The following MRPL1 variants were observed in gnomAD, a reference collection of about 807,000 sequenced individuals.
The protein encoded by MRPL1 is mitochondrial ribosomal protein L1.
A neutral mutation model predicts 38.0 loss-of-function variants in MRPL1; 28 were observed. The ratio of observed to expected loss-of-function variants is 0.74; its 90% CI spans 0.55 to 1.01. The LOEUF (loss-of-function observed/expected upper bound fraction) is 1.01, where lower values mean the gene tolerates loss of function less well. Ranked by LOEUF, MRPL1 falls within the 50% of genes least tolerant of loss-of-function variation. The pLI is 0.00. For missense variants in MRPL1, 358 were observed against 389.8 expected (o/e 0.92, Z 0.69); for synonymous variants, 123 against 126.7 (o/e 0.97, Z 0.20).
At chr4:77,903,054 A>G (rs1009521296) in intron 6 of MRPL1, among the ~76,000 whole-genome samples, 1 of 152,216 alleles carries the variant, frequency 6.6e-6, no homozygotes, top group Non-Finnish European at 1.5e-5. Context: ...ATTACGAGAA[A>G]ACTACAGGAT....
At chr4:77,884,822 G>T (rs116169316) in intron 3 of MRPL1, among the ~76,000 whole-genome samples, 122 of 152,278 alleles carry the variant, frequency 8.0e-4, no homozygotes, top group African/African-American at 2.8e-3. Flanking sequence ...GATTACATGG[G>T]TTTAAAACAA....
chr4:77,948,944 T>C (rs982575966), intron 7 of MRPL1, among the ~76,000 whole-genome samples: 1 of 152,190 alleles, frequency 6.6e-6, no homozygotes, highest in African/African-American at 2.4e-5. Flanking sequence ...CTAATTTTTG[T>C]ATTTTTAGTA....
chr4:77,864,571 T>C (rs1258318708), intron 1 of MRPL1: 1 of 152,254 alleles, frequency 6.6e-6, no homozygotes, highest in South Asian at 2.1e-4. Context: ...AGAAATTCTT[T>C]ATATTGCAAA....
chr4:77,895,560 G>A (rs1363303851), intron 6 of MRPL1, among the ~76,000 whole-genome samples: 3 of 152,028 alleles, frequency 2.0e-5, no homozygotes, highest in Non-Finnish European at 4.4e-5. Flanking sequence ...AGTGTAAACA[G>A]AACAAATATT....
At chr4:77,888,992 A>T (rs1236851694) in intron 5 of MRPL1, among the ~76,000 whole-genome samples, 1 of 152,162 alleles carries the variant, frequency 6.6e-6, no homozygotes, top group Non-Finnish European at 1.5e-5. Flanking sequence ...AAGTCCTTAG[A>T]GACCTAGAAA....
chr4:77,863,461 A>ATTTTTTTTTTTTTTTTTTT lies in MRPL1; in HGVS notation c.31+585_31+603dup, dbSNP rs969402527. Among the ~76,000 whole-genome samples the ATTTTTTTTTTTTTTTTTTT allele has an allele frequency of 1.1e-4, 12 of 112,660 alleles. 1 individual carries two copies. The highest frequency in any genetic ancestry group is 3.4e-4 in the African/African-American group (9 of 26,132). The allele number at this position is 112,660 out of a possible 152,430, so 73.9% of individuals were successfully genotyped here. On this transcript the variant is annotated intron_variant, in intron 1 of 8. Coordinates refer to ENST00000315567, the MANE Select transcript of MRPL1 (RefSeq NM_020236.4). ...GATGACAGCCCTTTCTTGTGCAACA[A>ATTTTTTTTTTTTTTTTTTT]TTTTTTTTTTTTTTTTTTTTTGAGA...
intron 5 of MRPL1, among the ~76,000 whole-genome samples, chr4:77,892,553 A>G (rs1305074681): frequency 6.6e-6 from 1 of 152,184 alleles, no homozygotes; most frequent in Non-Finnish European, 1.5e-5. Flanking sequence ...TGTCTCTAAG[A>G]GCTTGATTTC....
intron 7 of MRPL1, among the ~76,000 whole-genome samples, chr4:77,947,704 T>C (rs1366131835): frequency 6.6e-6 from 1 of 152,244 alleles, no homozygotes; most frequent in Non-Finnish European, 1.5e-5. Context: ...ATAAAACTCA[T>C]GCACATATAC....
chr4:77,871,900 A>G, intron 2 of MRPL1, 45 bp downstream of exon 2: 1 of 1,305,786 alleles, frequency 7.7e-7, no homozygotes, highest in African/African-American at 1.5e-5. Context: ...TGTCATTTTA[A>G]TTTTTTTTAA....
chr4:77,885,555 CA>C (rs1735658286), intron 4 of MRPL1, among the ~76,000 whole-genome samples: 1 of 152,066 alleles, frequency 6.6e-6, no homozygotes, highest in Non-Finnish European at 1.5e-5. Context: ...TTAGTAGAGA[CA>C]GGTTTTCACC....
chr4:77,923,316 G>A (rs556212636), intron 7 of MRPL1, among the ~76,000 whole-genome samples: 38 of 152,038 alleles, frequency 2.5e-4, no homozygotes, highest in African/African-American at 8.7e-4. Context: ...GGCTGGACTT[G>A]AACTCCTAAC....
intron 1 of MRPL1, chr4:77,864,876 A>G (rs1483178792): frequency 6.6e-6 from 1 of 151,052 alleles, no homozygotes; most frequent in Non-Finnish European, 1.5e-5. Context: ...TGGATGGCCA[A>G]TTATTGTGTA....
chr4:77,930,967 C>CTGT (rs544015849), intron 7 of MRPL1, among the ~76,000 whole-genome samples: 44 of 152,304 alleles, frequency 2.9e-4, no homozygotes, highest in Non-Finnish European at 5.6e-4. Flanking sequence ...GCAGAAGACT[C>CTGT]TAAGACTGCC....
intron 6 of MRPL1, among the ~76,000 whole-genome samples, chr4:77,896,149 C>CTT (rs527571244): frequency 3.5e-4 from 44 of 127,454 alleles, no homozygotes; most frequent in African/African-American, 9.2e-4. Context: ...TTTTAGCTTC[C>CTT]TTTTTTTTTT....
chr4:77,941,159 G>A (rs1390712810), intron 7 of MRPL1, among the ~76,000 whole-genome samples: 2 of 152,062 alleles, frequency 1.3e-5, no homozygotes, highest in Non-Finnish European at 2.9e-5. Flanking sequence ...CAGCTACTTG[G>A]GAGGTTGAGG....
intron 1 of MRPL1, among the ~76,000 whole-genome samples, chr4:77,867,655 G>T (rs1735176302): frequency 6.6e-6 from 1 of 151,598 alleles, no homozygotes; most frequent in African/African-American, 2.4e-5. Context: ...TGAAGTGCTG[G>T]CATTATAGGC....
At chr4:77,889,964 G>T (rs1371720952) in intron 5 of MRPL1, among the ~76,000 whole-genome samples, 1 of 152,076 alleles carries the variant, frequency 6.6e-6, no homozygotes, top group Admixed American at 6.6e-5. Context: ...CCAATAACAG[G>T]CTCTGAAATT....
At chr4:77,893,289 A>G (rs756365376) in intron 5 of MRPL1, among the ~76,000 whole-genome samples, 1 of 151,904 alleles carries the variant, frequency 6.6e-6, no homozygotes, top group Non-Finnish European at 1.5e-5. Context: ...GCTAGTTTTT[A>G]TATTTTTTGT....
chr4:77,917,946 C>G (rs1187896000), intron 7 of MRPL1, among the ~76,000 whole-genome samples: 3 of 151,172 alleles, frequency 2.0e-5, no homozygotes, highest in African/African-American at 4.9e-5. Context: ...TCCCAGCTAC[C>G]TGGGAGGCTG....
Sources: gnomAD v4.1 joint callset for allele counts (sites outside exome capture counted in the v4.1 genomes callset) on GRCh38, gnomAD v4.1.1 for gene constraint, MANE v1.5 for transcripts, NCBI Gene and HGNC (gene_info 2026-07-23, HGNC 2026-07-21) for gene names.